The following DPYD variants were observed in gnomAD, a reference collection of about 807,000 sequenced individuals.
DPYD encodes the protein dihydropyrimidine dehydrogenase.
Under a neutral mutation model 116.2 loss-of-function variants are expected in DPYD, and 109 were observed. The observed-to-expected ratio is 0.94, with a 90% confidence interval of 0.80 to 1.10. DPYD has a LOEUF of 1.10. DPYD is among the 50% of genes least tolerant of loss of function. DPYD has a pLI of 0.00. For missense variants in DPYD, 1,302 were observed against 1,254.5 expected (o/e 1.04, Z -0.57); for synonymous variants, 440 against 432.0 (o/e 1.02, Z -0.23).
At chr1:97,829,200 A>G (rs1669401056) in intron 2 of DPYD, among the ~76,000 whole-genome samples, 1 of 151,882 alleles carries the variant, frequency 6.6e-6, no homozygotes, top group South Asian at 2.1e-4. Flanking sequence ...TGTTCTTTCT[A>G]TTCTTGAATA....
At chr1:97,274,199 C>A (rs1664776607) in intron 18 of DPYD, among the ~76,000 whole-genome samples, 1 of 152,014 alleles carries the variant, frequency 6.6e-6, no homozygotes, top group Non-Finnish European at 1.5e-5. Flanking sequence ...GTATATTTGT[C>A]CCCTCCAAAT....
chr1:97,533,771 T>C (rs565571622), intron 12 of DPYD, among the ~76,000 whole-genome samples: 8 of 152,186 alleles, frequency 5.3e-5, no homozygotes, highest in Non-Finnish European at 1.2e-4. Flanking sequence ...AGAAGGAGAA[T>C]TCTCTGAAAT....
At chr1:97,769,879 C>T (rs1666054765) in intron 3 of DPYD, among the ~76,000 whole-genome samples, 3 of 152,048 alleles carry the variant, frequency 2.0e-5, no homozygotes, top group Admixed American at 2.0e-4. Context: ...AATCAGTGAA[C>T]AAATGAATAA....
chr1:97,124,634 C>T (rs938098197), intron 20 of DPYD, among the ~76,000 whole-genome samples: 3 of 152,134 alleles, frequency 2.0e-5, no homozygotes, highest in East Asian at 1.9e-4. Flanking sequence ...CCTATTTGGC[C>T]AGCTACTAGG....
At chr1:97,173,935 C>A (rs1344150594) in intron 20 of DPYD, among the ~76,000 whole-genome samples, 3 of 150,850 alleles carry the variant, frequency 2.0e-5, no homozygotes, top group Admixed American at 6.7e-5. Flanking sequence ...TAATGCCCTA[C>A]AAAATGCACA....
At chr1:97,293,986 T>C (rs1480536982) in intron 18 of DPYD, among the ~76,000 whole-genome samples, 1 of 152,038 alleles carries the variant, frequency 6.6e-6, no homozygotes, top group Admixed American at 6.6e-5. Flanking sequence ...ATGCTCCTGC[T>C]TGTATGCAAC....
In DPYD at chr1:97,206,687, T is replaced by TATATATATATAA. The variant is rs539927395; in HGVS notation, c.2443-13440_2443-13439insTTATATATATAT. Among the ~76,000 whole-genome samples, 132 of 71,566 alleles carry TATATATATATAA rather than the reference T, an allele frequency of 1.8e-3. 12 individuals carry two copies. The highest frequency in any genetic ancestry group is 4.5e-3 in the East Asian group (6 of 1,332). The allele number at this position is 71,566 out of a possible 152,430, so 47.0% of individuals were successfully genotyped here. On this transcript the variant is annotated intron_variant, in intron 19 of 22. Transcript: ENST00000370192. ...ATATATATATATATATATATATATA[T>TATATATATATAA]AATCTATATGCTTATAATGCATATG...
intron 18 of DPYD, among the ~76,000 whole-genome samples, chr1:97,291,588 C>T (rs1171405942): frequency 6.7e-6 from 1 of 150,020 alleles, no homozygotes; most frequent in East Asian, 2.0e-4. Flanking sequence ...ATCGCAAGGA[C>T]AAAAAACCAA....
At chr1:97,678,751 T>G (rs1660280875) in intron 8 of DPYD, among the ~76,000 whole-genome samples, 1 of 152,160 alleles carries the variant, frequency 6.6e-6, no homozygotes, top group Admixed American at 6.6e-5. Flanking sequence ...TTTAATCAAT[T>G]GTTTTTATCA....
intron 3 of DPYD, among the ~76,000 whole-genome samples, chr1:97,821,331 C>CAAAAAAAAAAAAA (rs35940342): frequency 8.8e-6 from 1 of 113,848 alleles, no homozygotes; most frequent in Non-Finnish European, 1.7e-5. Flanking sequence ...AACTCCACCT[C>CAAAAAAAAAAAAA]AAAAAAAAAA....
At chr1:97,287,938 C>G (rs1448911736) in intron 18 of DPYD, among the ~76,000 whole-genome samples, 2 of 151,610 alleles carry the variant, frequency 1.3e-5, no homozygotes, top group African/African-American at 4.8e-5. Context: ...ATTCAGGAAA[C>G]CCATCTCACG....
rs1188333468 is a variant in DPYD, at chr1:97,217,131, A to G, written c.2442+17721T>C. ...GCTGAGGCAGGAGAATCGCTTGAAC[A>G]CGGGAGGCGGAGGTTGCAGTGAGCC... On this transcript the variant is annotated intron_variant, in intron 19 of 22. Coordinates refer to ENST00000370192, the MANE Select transcript of DPYD (RefSeq NM_000110.4). Among the ~76,000 whole-genome samples the G allele has an allele frequency of 2.6e-5, 4 of 151,006 alleles. No individual in the cohort carries two copies. In the South Asian group the frequency reaches 8.5e-4, roughly 32 times the overall value.
chr1:97,147,022 G>A (rs1045330702), intron 20 of DPYD, among the ~76,000 whole-genome samples: 1 of 152,126 alleles, frequency 6.6e-6, no homozygotes, highest in Admixed American at 6.5e-5. Context: ...TTTACTGAAA[G>A]ATAATTTACA....
At chr1:97,258,070 G>A (rs1248925084) in intron 18 of DPYD, among the ~76,000 whole-genome samples, 8 of 152,060 alleles carry the variant, frequency 5.3e-5, no homozygotes, top group Non-Finnish European at 1.0e-4. Flanking sequence ...ATACAGATCT[G>A]GCTGGAATGT....
intron 8 of DPYD, among the ~76,000 whole-genome samples, chr1:97,624,765 G>T (rs1399604752): frequency 6.6e-6 from 1 of 151,994 alleles, no homozygotes; most frequent in Non-Finnish European, 1.5e-5. Context: ...TATACAGTAT[G>T]AAATACTATT....
chr1:97,856,140 A>G (rs1670828175), intron 2 of DPYD: 2 of 152,198 alleles, frequency 1.3e-5, no homozygotes, highest in Admixed American at 1.3e-4. Flanking sequence ...GGGAGGTCAT[A>G]TTAAAAGTCT....
chr1:97,518,795 C>T (rs894618674), intron 12 of DPYD, among the ~76,000 whole-genome samples: 2 of 151,954 alleles, frequency 1.3e-5, no homozygotes, highest in African/African-American at 4.8e-5. Context: ...AAAAGGAATG[C>T]TATGCTAGTA....
Position 97,883,356 on chromosome 1 carries a change from G to C in DPYD, c.58C>G (p.Pro20Ala). The C allele has an allele frequency of 2.5e-6, 4 of 1,610,572 alleles. No homozygotes were observed. The highest frequency in any genetic ancestry group is 3.4e-6 in the Non-Finnish European group (4 of 1,177,160). Residue 20 changes from proline (P) to alanine (A), a missense_variant, in exon 2 of 23, where the codon CCT becomes GCT. Coordinates refer to ENST00000370192, the MANE Select transcript of DPYD (RefSeq NM_000110.4). ...ADIESILALN[P>A]RTQTHATLCS... Reference sequence around the variant, plus strand: ...AGAGTTGCATGAGTTTGTGTTCGAGGATTTAAAGCCAGGATACTCTAAAGA... The same window carrying C: ...AGAGTTGCATGAGTTTGTGTTCGAGCATTTAAAGCCAGGATACTCTAAAGA...
chr1:97,479,931 G>A (rs1678204874), intron 13 of DPYD, among the ~76,000 whole-genome samples: 1 of 152,136 alleles, frequency 6.6e-6, no homozygotes, highest in South Asian at 2.1e-4. Context: ...CCTTGCAGCT[G>A]GGAGAGACCA....
Sources: gnomAD v4.1 joint callset for allele counts (sites outside exome capture counted in the v4.1 genomes callset) on GRCh38, gnomAD v4.1.1 for gene constraint, MANE v1.5 for transcripts, NCBI Gene and HGNC (gene_info 2026-07-23, HGNC 2026-07-21) for gene names.